LRRTM4: variants seen among roughly 807,000 people sequenced by gnomAD.
The protein encoded by LRRTM4 is leucine rich repeat transmembrane neuronal 4, also known as leucine-rich repeat transmembrane neuronal protein 4.
LRRTM4 carries 25 observed loss-of-function variants against 47.6 expected under a neutral mutation model. That is an observed-to-expected ratio of 0.53 (90% CI 0.38 to 0.73). The LOEUF (loss-of-function observed/expected upper bound fraction) is 0.73. Ranked by LOEUF, LRRTM4 falls within the 30% of genes least tolerant of loss-of-function variation. LRRTM4 has a pLI of 0.00. For missense variants in LRRTM4, 638 were observed against 713.4 expected, an observed-to-expected ratio of 0.89 and a Z score of 1.20; for synonymous variants, 311 against 269.5, an observed-to-expected ratio of 1.15 and a Z score of -1.51.
chr2:77,035,468 C>G (rs1678805824), intron 3 of LRRTM4, among the ~76,000 whole-genome samples: 1 of 151,798 alleles, frequency 6.6e-6, no homozygotes, highest in African/African-American at 2.4e-5. Context: ...ATTCCCCACA[C>G]CTTCATAACC....
intron 3 of LRRTM4, among the ~76,000 whole-genome samples, chr2:77,321,333 T>C (rs1467692091): frequency 6.6e-6 from 1 of 152,130 alleles, no homozygotes; most frequent in Admixed American, 6.5e-5. Flanking sequence ...AATCAATTTT[T>C]CAGCTTCCCT....
chr2:77,024,906 GATA>G (rs1167287898), intron 3 of LRRTM4, among the ~76,000 whole-genome samples: 2 of 152,032 alleles, frequency 1.3e-5, no homozygotes, highest in Admixed American at 6.6e-5. Context: ...TGATAATGTG[GATA>G]ATATTTTCAA....
intron 3 of LRRTM4, among the ~76,000 whole-genome samples, chr2:76,943,889 T>A (rs1307801828): frequency 6.6e-6 from 1 of 152,176 alleles, no homozygotes; most frequent in Non-Finnish European, 1.5e-5. Context: ...CTCTTACTCA[T>A]CTTGTGTATC....
At chr2:77,066,808 C>T (rs1329061493) in intron 3 of LRRTM4, among the ~76,000 whole-genome samples, 6 of 152,174 alleles carry the variant, frequency 3.9e-5, no homozygotes, top group Non-Finnish European at 8.8e-5. Context: ...GAAGATGTGA[C>T]ATTTGGTTGA....
At position 77,403,829 on chromosome 2, in the gene LRRTM4, T is replaced by C. The variant is rs1253455480; in HGVS notation, c.1551+114489A>G. The stretch of plus-strand genomic sequence containing the variant: ...GACTAATTGTTGGTTTGGGTTTTCT[T>C]AATAGGCCATTATGTCTTTATTCCC... On this transcript the variant is annotated intron_variant, in intron 3 of 3. Transcript: ENST00000409884. Among the ~76,000 whole-genome samples, 5 of 151,242 alleles carry C rather than the reference T, an allele frequency of 3.3e-5. No individual in the cohort carries two copies. In the East Asian group the frequency reaches 9.7e-4, roughly 29 times the overall value.
At chr2:77,428,972 A>C (rs942883645) in intron 3 of LRRTM4, among the ~76,000 whole-genome samples, 1 of 152,184 alleles carries the variant, frequency 6.6e-6, no homozygotes, top group Non-Finnish European at 1.5e-5. Flanking sequence ...AACAGACCTA[A>C]ATTAATCCTT....
chr2:77,084,345 G>A (rs560673918), intron 3 of LRRTM4, among the ~76,000 whole-genome samples: 1 of 152,288 alleles, frequency 6.6e-6, no homozygotes, highest in South Asian at 2.1e-4. Context: ...ACTGAAGGGT[G>A]ATGAGATGCA....
chr2:76,939,292 C>T (rs1004218100), intron 3 of LRRTM4, among the ~76,000 whole-genome samples: 3 of 152,216 alleles, frequency 2.0e-5, no homozygotes, highest in Middle Eastern at 3.4e-3. Flanking sequence ...GGAGTCTTTG[C>T]TTTGCATGAA....
At position 76,777,916 on chromosome 2, in the gene LRRTM4, T is replaced by G. The variant is rs1409647556; in HGVS notation, c.1552-29000A>C. On this transcript the variant is annotated intron_variant, in intron 3 of 3. Coordinates refer to ENST00000409884, the MANE Select transcript of LRRTM4 (RefSeq NM_001134745.3). ...TGGGTTTGTCATAGATAGCTCTTAT[T>G]ATTTTGAAATACGTCCCATCAATGC... 7.7e-5 allele frequency among the ~76,000 whole-genome samples: 11 copies of G among 143,368 alleles called. No individual in the cohort carries two copies. In the East Asian group the frequency reaches 8.7e-4, roughly 11 times the overall value. 94.1% of individuals were successfully genotyped at this position (143,368 alleles called of 152,430 possible).
At chr2:77,281,460 A>G (rs1238813564) in intron 3 of LRRTM4, among the ~76,000 whole-genome samples, 2 of 151,988 alleles carry the variant, frequency 1.3e-5, no homozygotes, top group African/African-American at 2.4e-5. Context: ...TCTGAAGAAC[A>G]ATGAGCTACT....
intron 3 of LRRTM4, among the ~76,000 whole-genome samples, chr2:77,205,128 G>A (rs992599182): frequency 1.3e-5 from 2 of 152,194 alleles, no homozygotes; most frequent in Non-Finnish European, 2.9e-5. Flanking sequence ...CACATGTAGT[G>A]CAACACTTAA....
intron 3 of LRRTM4, among the ~76,000 whole-genome samples, chr2:76,962,938 C>T (rs1573374625): frequency 6.6e-6 from 1 of 150,674 alleles, no homozygotes; most frequent in East Asian, 2.0e-4. Flanking sequence ...CACACTTATA[C>T]ACACAAACAC....
intron 3 of LRRTM4, among the ~76,000 whole-genome samples, chr2:77,108,093 A>T: frequency 6.6e-6 from 1 of 152,138 alleles, no homozygotes; most frequent in East Asian, 1.9e-4. Context: ...AACCCAGAGA[A>T]ATCAAGTGGA....
At chr2:77,283,512 C>T (rs1676562428) in intron 3 of LRRTM4, among the ~76,000 whole-genome samples, 1 of 151,952 alleles carries the variant, frequency 6.6e-6, no homozygotes, top group African/African-American at 2.4e-5. Flanking sequence ...CAAAAAAATA[C>T]CTGCATTCAG....
intron 3 of LRRTM4, among the ~76,000 whole-genome samples, chr2:76,869,861 T>C (rs994032217): frequency 6.6e-6 from 1 of 152,178 alleles, no homozygotes; most frequent in Non-Finnish European, 1.5e-5. Flanking sequence ...TAATATGTTA[T>C]AAACTTGAAT....
chr2:77,129,309 A>T (rs1419702586), intron 3 of LRRTM4, among the ~76,000 whole-genome samples: 1 of 152,216 alleles, frequency 6.6e-6, no homozygotes, highest in African/African-American at 2.4e-5. Flanking sequence ...GCTTTTTGAA[A>T]TGTTAAATAT....
intron 3 of LRRTM4, among the ~76,000 whole-genome samples, chr2:77,425,906 C>A (rs1558737787): frequency 6.6e-6 from 1 of 151,716 alleles, no homozygotes; most frequent in Non-Finnish European, 1.5e-5. Flanking sequence ...CACTTGAGAC[C>A]AGGTATTTGA....
intron 3 of LRRTM4, among the ~76,000 whole-genome samples, chr2:76,897,222 T>TC (rs1359867479): frequency 6.6e-6 from 1 of 152,102 alleles, no homozygotes; most frequent in Admixed American, 6.6e-5. Context: ...AATAATGCAA[T>TC]CACCTTCCAT....
intron 3 of LRRTM4, among the ~76,000 whole-genome samples, chr2:76,841,699 T>A (rs1259600442): frequency 1.4e-5 from 2 of 146,710 alleles, no homozygotes; most frequent in Admixed American, 1.4e-4. Flanking sequence ...TATATATATA[T>A]AAAAGAATTC....
Sources: gnomAD v4.1 joint callset for allele counts (sites outside exome capture counted in the v4.1 genomes callset) on GRCh38, gnomAD v4.1.1 for gene constraint, MANE v1.5 for transcripts, NCBI Gene and HGNC (gene_info 2026-07-23, HGNC 2026-07-21) for gene names.